The following PPARG variants were observed in gnomAD, a reference collection of about 807,000 sequenced individuals.
PPARG encodes the protein peroxisome proliferator activated receptor gamma.
PPARG carries 17 observed loss-of-function variants against 39.2 expected under a neutral mutation model. The observed-to-expected ratio is 0.43, with a 90% CI of 0.30 to 0.65. The LOEUF is 0.65. PPARG is among the 30% of genes least tolerant of loss of function. PPARG has a pLI of 0.13. For missense variants in PPARG, 406 were observed against 585.9 expected, an observed-to-expected ratio of 0.69 and a Z score of 3.17; for synonymous variants, 223 against 215.7, an observed-to-expected ratio of 1.03 and a Z score of -0.30.
At chr3:12,353,796 A>G (rs1164699002) in intron 2 of PPARG, among the ~76,000 whole-genome samples, 7 of 152,176 alleles carry the variant, frequency 4.6e-5, no homozygotes, top group Non-Finnish European at 1.0e-4. Context: ...TCCTCAAGCA[A>G]CCCCAAGTAA....
At chr3:12,317,977 T>G (rs2047434248) in intron 2 of PPARG, among the ~76,000 whole-genome samples, 1 of 152,180 alleles carries the variant, frequency 6.6e-6, no homozygotes, top group Non-Finnish European at 1.5e-5. Context: ...GGTTTATTTT[T>G]ATTTTTATTC....
At chr3:12,310,986 C>A (rs1024791080) in intron 1 of PPARG, among the ~76,000 whole-genome samples, 1 of 151,930 alleles carries the variant, frequency 6.6e-6, no homozygotes, top group African/African-American at 2.4e-5. Flanking sequence ...CAGTCACAGC[C>A]AGAAAACATA....
chr3:12,431,944 CGTTAA>C (rs201050185), intron 7 of PPARG, among the ~76,000 whole-genome samples: 3,625 of 151,782 alleles, frequency 0.024, 154 homozygotes, highest in African/African-American at 0.083. Context: ...AAAAAAAAAG[CGTTAA>C]GTTAAGGAGC....
intron 2 of PPARG, chr3:12,327,911 A>C: frequency 1.6e-6 from 1 of 616,048 alleles, no homozygotes; most frequent in South Asian, 2.0e-5. Context: ...TCTACATAGC[A>C]CTTTAAAAGC....
At chr3:12,391,968 T>G (rs1451802850) in intron 4 of PPARG, among the ~76,000 whole-genome samples, 1 of 152,186 alleles carries the variant, frequency 6.6e-6, no homozygotes, top group Non-Finnish European at 1.5e-5. Flanking sequence ...AATTGACATA[T>G]TTGCCATTTT....
intron 5 of PPARG, among the ~76,000 whole-genome samples, chr3:12,404,851 G>T (rs2050601732): frequency 6.6e-6 from 1 of 152,150 alleles, no homozygotes; most frequent in Non-Finnish European, 1.5e-5. Context: ...CTGGGATTCA[G>T]CAGAGACAGA....
chr3:12,352,710 A>G (rs1460529223), intron 2 of PPARG, among the ~76,000 whole-genome samples: 1 of 152,230 alleles, frequency 6.6e-6, no homozygotes, highest in East Asian at 1.9e-4. Flanking sequence ...TGAACATATT[A>G]GTCACCGTTT....
Position 12,390,911 on chromosome 3 carries a change from A to C in PPARG, c.391-1703A>C, listed in dbSNP as rs1299754475. On this transcript the variant is annotated intron_variant, in intron 4 of 7. Transcript: ENST00000651735. ...AGCGATCAATCCGCCTCAGTCTGTC[A>C]AAGTGTTGGGATTACAGGTGTGAGC... 2.0e-5 allele frequency among the ~76,000 whole-genome samples: 3 copies of C among 152,206 alleles called. No individual in the cohort carries two copies. In the East Asian group the frequency reaches 5.8e-4, roughly 29 times the overall value.
chr3:12,304,465 T>A (rs528263262), intron 1 of PPARG, among the ~76,000 whole-genome samples: 1 of 152,308 alleles, frequency 6.6e-6, no homozygotes, highest in Admixed American at 6.5e-5. Context: ...TTCTAGAATG[T>A]TTTTAACTCA....
chr3:12,419,363 G>A (rs368760110), intron 7 of PPARG, among the ~76,000 whole-genome samples: 1 of 152,024 alleles, frequency 6.6e-6, no homozygotes, highest in African/African-American at 2.4e-5. Flanking sequence ...AGCAAAAAAG[G>A]ATGAGATTCC....
rs928403342 is a variant in PPARG at position 12,350,470 on chromosome 3, C to G, written c.-8-29234C>G. ...TCAGAATATCACGATAAGTATAATT[C>G]AGAGAATTATTGCCTTCTAATATAC... On this transcript the variant is annotated intron_variant, in intron 2 of 7. Transcript: ENST00000651735. Among the ~76,000 whole-genome samples, 5 of 152,244 alleles carry G rather than the reference C, an allele frequency of 3.3e-5. No homozygotes were observed. In the East Asian group the frequency reaches 9.6e-4, roughly 29 times the overall value.
intron 3 of PPARG, 121 bp downstream of exon 3, chr3:12,380,052 C>G: frequency 1.1e-6 from 1 of 895,794 alleles, no homozygotes; most frequent in South Asian, 1.4e-5. Flanking sequence ...ATTCACCATT[C>G]ATTTATTCAC....
intron 6 of PPARG, among the ~76,000 whole-genome samples, chr3:12,408,048 TA>T (rs1244287807): frequency 6.6e-6 from 1 of 152,206 alleles, no homozygotes; most frequent in Non-Finnish European, 1.5e-5. Context: ...CCTGGGACTA[TA>T]ATGCAGGTTT....
chr3:12,343,211 T>C lies in PPARG; in HGVS notation c.-9+30758T>C, dbSNP rs137910164. Among the ~76,000 whole-genome samples the C allele has an allele frequency of 3.9e-5, 6 of 152,308 alleles. No individual in the cohort carries two copies. The East Asian group carries it at 1.2e-3, about 29-fold the overall frequency. ...CACAGGTGCCCAATACCATGGATTCTCATTCCCCAAGTTCATTCTCACTCT... is the reference window on the plus strand; with the variant it reads ...CACAGGTGCCCAATACCATGGATTCCCATTCCCCAAGTTCATTCTCACTCT... On this transcript the variant is annotated intron_variant, in intron 2 of 7. Transcript: ENST00000651735.
At chr3:12,396,757 CA>C (rs1208855424) in intron 5 of PPARG, among the ~76,000 whole-genome samples, 2,128 of 56,258 alleles carry the variant, frequency 0.038, 33 homozygotes, top group African/African-American at 0.1. Context: ...GACCCAGTCT[CA>C]AAAAAAAAAA....
chr3:12,359,480 G>A (rs1278062585), intron 2 of PPARG, among the ~76,000 whole-genome samples: 1 of 152,014 alleles, frequency 6.6e-6, no homozygotes, highest in Admixed American at 6.6e-5. Context: ...TGCCTCAAAA[G>A]ACTACTCAGC....
Position 12,381,307 on chromosome 3 carries a change from T to C in PPARG, c.221-15T>C, listed in dbSNP as rs962781345. 4 of 1,612,066 alleles carry C rather than the reference T, an allele frequency of 2.5e-6. No homozygotes were observed. In the Admixed American group the frequency reaches 5.0e-5, roughly 20 times the overall value. ...TTCATGGGATAATTATCCTCTCACA[T>C]GTCTCCATACACAGGTGCAATCAAA... On this transcript the variant is annotated splice_polypyrimidine_tract_variant and intron_variant, in intron 3 of 7. Coordinates refer to ENST00000651735, the MANE Select transcript of PPARG (RefSeq NM_138711.6).
At position 12,434,232 on chromosome 3, in the gene PPARG, GA is replaced by G. The variant is rs2051782112; in HGVS notation, c.*92del. The G allele has an allele frequency of 1.9e-6, 3 of 1,542,362 alleles. No homozygotes were observed. Among genetic ancestry groups the G allele is most frequent in the African/African-American group, 2.7e-5 (2 of 72,984 alleles). ...ATCTGACACCTAAGAAATTTACTGT[GA>G]AAAAGCATTTTAAAAAGAAAAGGTT... On this transcript the variant is annotated 3_prime_UTR_variant, in exon 8 of 8. Transcript: ENST00000651735. This position sits in a 1 kb window ranked among gnomAD's most constrained non-coding sequence, Gnocchi z 4.2.
intron 1 of PPARG, among the ~76,000 whole-genome samples, chr3:12,311,665 A>G (rs188916217): frequency 1.2e-4 from 19 of 152,326 alleles, no homozygotes; most frequent in Admixed American, 1.0e-3. Flanking sequence ...AGCCCTGATG[A>G]TAAGGCTTTT....
Sources: gnomAD v4.1 joint callset for allele counts (sites outside exome capture counted in the v4.1 genomes callset) on GRCh38, gnomAD v4.1.1 for gene constraint, Gnocchi (gnomAD v3.1) non-coding constraint, MANE v1.5 for transcripts, NCBI Gene and HGNC (gene_info 2026-07-23, HGNC 2026-07-21) for gene names.